The following COL14A1 variants were observed in gnomAD, a reference collection of about 807,000 sequenced individuals.
COL14A1 encodes collagen type XIV alpha 1 chain.
A neutral mutation model predicts 230.3 loss-of-function variants in COL14A1; 136 were observed. The observed-to-expected ratio is 0.59, with a 90% CI of 0.51 to 0.68. The LOEUF is 0.68. COL14A1 is among the 30% of genes least tolerant of loss of function. The probability of loss-of-function intolerance (pLI) is 0.00; values close to 1 mark genes in which losing one functional copy is unlikely to be tolerated. For missense variants in COL14A1, 1,976 were observed against 2,215.8 expected (o/e 0.89, Z 2.17); for synonymous variants, 792 against 784.1 (o/e 1.01, Z -0.17).
intron 11 of COL14A1, 131 bp downstream of exon 11, chr8:120,208,492 A>G: frequency 3.9e-6 from 4 of 1,035,104 alleles, no homozygotes; most frequent in Non-Finnish European, 5.5e-6. Context: ...CATAGAAGAC[A>G]TTTGTCGTGC....
chr8:120,331,626 A>G lies in COL14A1; in HGVS notation c.4660-515A>G, dbSNP rs543203346. Among the ~76,000 whole-genome samples, 12 of 152,350 alleles carry G rather than the reference A, an allele frequency of 7.9e-5. No individual in the cohort carries two copies. The South Asian group carries it at 2.5e-3, about 32-fold the overall frequency. On this transcript the variant is annotated intron_variant, in intron 40 of 47. Transcript: ENST00000297848. Reference sequence around the variant, plus strand: ...CATTTGTAAGCCCACGATGACACTCAGTAAATCTGTCCAGTAGTCAAAGCT... The same window carrying G: ...CATTTGTAAGCCCACGATGACACTCGGTAAATCTGTCCAGTAGTCAAAGCT...
chr8:120,215,844 G>A (rs1817734930), intron 13 of COL14A1, among the ~76,000 whole-genome samples: 1 of 152,100 alleles, frequency 6.6e-6, no homozygotes, highest in Non-Finnish European at 1.5e-5. Context: ...AGGCAAGAGG[G>A]GAAGGCATCA....
chr8:120,213,632 T>C (rs1030034049), intron 13 of COL14A1, among the ~76,000 whole-genome samples: 12 of 152,302 alleles, frequency 7.9e-5, no homozygotes, highest in African/African-American at 2.9e-4. Flanking sequence ...ATAAGTGAAT[T>C]CTGGGACTCT....
In COL14A1 at chr8:120,231,456, G is replaced by C. The variant is rs1251315138; in HGVS notation, c.2198-11G>C. 3 of 1,612,524 alleles carry C rather than the reference G, an allele frequency of 1.9e-6. No homozygotes were observed. The highest frequency in any genetic ancestry group is 1.7e-5 in the Admixed American group (1 of 59,710). On this transcript the variant is annotated splice_polypyrimidine_tract_variant and intron_variant, in intron 18 of 47. Coordinates refer to ENST00000297848, the MANE Select transcript of COL14A1 (RefSeq NM_021110.4). ...TAAAAGTTTTTTAATCCTTGGTTGT[G>C]TTTATTCCAGTTTTCCAGACGGGAA...
chr8:120,314,075 C>A, intron 38 of COL14A1, 48 bp downstream of exon 38: 1 of 1,324,788 alleles, frequency 7.5e-7, no homozygotes. Flanking sequence ...TATCTCTTTT[C>A]CATGAGGTTA....
chr8:120,301,865 A>G (rs988730516), intron 36 of COL14A1, among the ~76,000 whole-genome samples: 1 of 152,004 alleles, frequency 6.6e-6, no homozygotes, highest in African/African-American at 2.4e-5. Context: ...TGCCAGCATC[A>G]GTTATTTCTT....
Position 120,197,954 on chromosome 8 carries a change from A to G in COL14A1, c.712+24A>G, listed in dbSNP as rs374877498. On this transcript the variant is annotated intron_variant, in intron 7 of 47. Coordinates refer to ENST00000297848, the MANE Select transcript of COL14A1 (RefSeq NM_021110.4). ...AGGTATGTTTTGTTCAATCCATGTT[A>G]TAACAACATATCTTTTTGAAGAATA... 128 of 1,609,424 alleles carry G rather than the reference A, an allele frequency of 8.0e-5. No individual in the cohort carries two copies. The African/African-American group carries it at 1.5e-3, about 19-fold the overall frequency.
chr8:120,131,759 A>C (rs1814534782), intron 1 of COL14A1, among the ~76,000 whole-genome samples: 1 of 149,122 alleles, frequency 6.7e-6, no homozygotes, highest in Admixed American at 6.7e-5. Context: ...AGTTGATTTG[A>C]GGACTTAGTC....
intron 40 of COL14A1, among the ~76,000 whole-genome samples, chr8:120,322,109 A>G (rs1489268815): frequency 6.6e-6 from 1 of 151,358 alleles, no homozygotes; most frequent in Non-Finnish European, 1.5e-5. Flanking sequence ...ATAAATGAAT[A>G]TGTATATATT....
chr8:120,309,005 G>T lies in COL14A1; in HGVS notation c.4402-1004G>T, dbSNP rs927051045. Reference sequence around the variant, plus strand: ...CCCAGGCTGGAGTGCAGTGATCTCAGCTCACTGCAAGGTCCGCCTCCCAGG... The same window carrying T: ...CCCAGGCTGGAGTGCAGTGATCTCATCTCACTGCAAGGTCCGCCTCCCAGG... On this transcript the variant is annotated intron_variant, in intron 36 of 47. Transcript: ENST00000297848. Among the ~76,000 whole-genome samples, 11 of 152,290 alleles carry T rather than the reference G, an allele frequency of 7.2e-5. No individual in the cohort carries two copies. The East Asian group carries it at 1.9e-3, about 27-fold the overall frequency.
At chr8:120,290,224 G>C (rs1227115044) in intron 34 of COL14A1, among the ~76,000 whole-genome samples, 1 of 152,056 alleles carries the variant, frequency 6.6e-6, no homozygotes, top group East Asian at 1.9e-4. Flanking sequence ...TTAGATTTGG[G>C]CATTTTAAAA....
In COL14A1 at chr8:120,161,694, G is replaced by A. The variant is rs563548769; in HGVS notation, c.206-732G>A. 6.6e-5 allele frequency among the ~76,000 whole-genome samples: 10 copies of A among 151,766 alleles called. No homozygotes were observed. The South Asian group carries it at 1.0e-3, about 16-fold the overall frequency. ...CATTTTTTTTTTGAGGCGGAGTCTCGGTCTGTCACCCAGGCTGGAGTGCAG... is the reference window on the plus strand; with the variant it reads ...CATTTTTTTTTTGAGGCGGAGTCTCAGTCTGTCACCCAGGCTGGAGTGCAG... On this transcript the variant is annotated intron_variant, in intron 3 of 47. Coordinates refer to ENST00000297848, the MANE Select transcript of COL14A1 (RefSeq NM_021110.4).
chr8:120,203,737 G>T lies in COL14A1; in HGVS notation c.906G>T (p.Leu302=). 6.2e-7 allele frequency: 1 copy of T among 1,613,830 alleles called. No individual in the cohort carries two copies. The highest frequency in any genetic ancestry group is 8.5e-7 in the Non-Finnish European group (1 of 1,179,852). ...IGVKNADVNE[L]QEIASEPDST... is the part of the protein sequence containing the mutation. ...TGAAAAACGCGGATGTGAATGAGCT[G>T]CAGGAGATCGCCTCTGAACCAGACA... The change falls in exon 9 of 48, where the codon CTG becomes CTT. Residue 302 remains leucine, a synonymous_variant. Coordinates refer to ENST00000297848, the MANE Select transcript of COL14A1 (RefSeq NM_021110.4).
intron 1 of COL14A1, among the ~76,000 whole-genome samples, chr8:120,137,153 G>A (rs531937087): frequency 2.0e-5 from 3 of 151,868 alleles, no homozygotes; most frequent in South Asian, 2.1e-4. Context: ...ATAGATATAG[G>A]GCTATTTGGG....
rs1437375300 is a variant in COL14A1 at position 120,165,142 on chromosome 8, G to T, written c.349+2573G>T. Among the ~76,000 whole-genome samples the T allele has an allele frequency of 2.0e-5, 3 of 152,310 alleles. No individual in the cohort carries two copies. In the South Asian group the frequency reaches 6.2e-4, roughly 32 times the overall value. On this transcript the variant is annotated intron_variant, in intron 4 of 47. Transcript: ENST00000297848. ...GTTCTGCCCAAATAGCAGTTTGTAA[G>T]AATAAAATGAAAATTGCTTGGATAG...
intron 2 of COL14A1, among the ~76,000 whole-genome samples, chr8:120,155,916 A>G (rs1390279052): frequency 3.3e-5 from 5 of 152,168 alleles, no homozygotes; most frequent in Non-Finnish European, 5.9e-5. Flanking sequence ...TGATAAATTT[A>G]TGCTTTCTCA....
At chr8:120,371,116 G>T (rs113272090) in intron 47 of COL14A1, 36 bp from the exon 48 acceptor site, 1 of 1,526,884 alleles carries the variant, frequency 6.5e-7, no homozygotes, top group Non-Finnish European at 8.9e-7. Flanking sequence ...TGATTCCTGG[G>T]TGCAGCAAGT....
At chr8:120,319,906 A>C (rs1317452602) in intron 40 of COL14A1, among the ~76,000 whole-genome samples, 1 of 152,224 alleles carries the variant, frequency 6.6e-6, no homozygotes, top group Non-Finnish European at 1.5e-5. Context: ...ATTCCAGGTC[A>C]TTCCAACAGA....
chr8:120,350,056 G>A (rs1417503510), intron 45 of COL14A1, among the ~76,000 whole-genome samples: 1 of 146,456 alleles, frequency 6.8e-6, no homozygotes, highest in Non-Finnish European at 1.5e-5. Context: ...AACCCTACAA[G>A]CCAGAAGAGA....
Sources: gnomAD v4.1 joint callset for allele counts (sites outside exome capture counted in the v4.1 genomes callset) on GRCh38, gnomAD v4.1.1 for gene constraint, MANE v1.5 for transcripts, NCBI Gene and HGNC (gene_info 2026-07-23, HGNC 2026-07-21) for gene names.